PCLO: variants seen among roughly 807,000 people sequenced by gnomAD.
The protein encoded by PCLO is piccolo presynaptic cytomatrix protein, also known as protein piccolo.
PCLO carries 82 observed loss-of-function variants against 427.5 expected under a neutral mutation model. The ratio of observed to expected loss-of-function variants is 0.19; its 90% CI spans 0.16 to 0.23. The LOEUF (loss-of-function observed/expected upper bound fraction) is 0.23, where lower values mean the gene tolerates loss of function less well. Ranked by LOEUF, PCLO falls within the 10% of genes least tolerant of loss-of-function variation. The probability of loss-of-function intolerance (pLI) is 1.00; values close to 1 mark genes in which losing one functional copy is unlikely to be tolerated. For synonymous variants in PCLO, 2,357 were observed against 2,155.4 expected (o/e 1.09, Z -2.59); for missense variants, 6,239 against 6,115.9 (o/e 1.02, Z -0.67).
At chr7:82,888,472 T>C (rs1793679864) in intron 9 of PCLO, among the ~76,000 whole-genome samples, 1 of 152,202 alleles carries the variant, frequency 6.6e-6, no homozygotes, top group Non-Finnish European at 1.5e-5. Context: ...TTATTTAATA[T>C]ATCACATTTG....
chr7:82,862,317 G>T (rs993976519), intron 10 of PCLO, among the ~76,000 whole-genome samples: 2 of 152,076 alleles, frequency 1.3e-5, no homozygotes, highest in South Asian at 4.1e-4. Flanking sequence ...TGATGAGGAT[G>T]TGGAGAAAAG....
At chr7:83,028,167 G>T (rs1272251181) in intron 3 of PCLO, among the ~76,000 whole-genome samples, 1 of 152,152 alleles carries the variant, frequency 6.6e-6, no homozygotes, top group African/African-American at 2.4e-5. Context: ...AAGTCAAATT[G>T]TCCCTCTTTG....
chr7:82,870,902 A>AC (rs1793218378), intron 10 of PCLO, among the ~76,000 whole-genome samples: 1 of 152,022 alleles, frequency 6.6e-6, no homozygotes, highest in Admixed American at 6.6e-5. Context: ...ATTTCACCTC[A>AC]CCCCATTAAA....
Position 82,765,836 on chromosome 7 carries a change from G to A in PCLO, c.15008-4343C>T, listed in dbSNP as rs570598554. Among the ~76,000 whole-genome samples the A allele has an allele frequency of 4.6e-5, 7 of 151,956 alleles. No homozygotes were observed. The South Asian group carries it at 8.3e-4, about 18-fold the overall frequency. ...AATAAAGGATCTCTAAAATAAAAACGAGAAAATGAATCAGATCTTAAGATC... is the reference window on the plus strand; with the variant it reads ...AATAAAGGATCTCTAAAATAAAAACAAGAAAATGAATCAGATCTTAAGATC... On this transcript the variant is annotated intron_variant, in intron 22 of 24. Transcript: ENST00000333891.
At chr7:82,816,284 A>G (rs1465868110) in intron 20 of PCLO, among the ~76,000 whole-genome samples, 2 of 152,110 alleles carry the variant, frequency 1.3e-5, no homozygotes, top group Admixed American at 6.6e-5. Flanking sequence ...CTATTATTAA[A>G]TCAACAATTA....
chr7:82,938,553 C>T (rs973393566), intron 6 of PCLO, among the ~76,000 whole-genome samples: 3 of 151,838 alleles, frequency 2.0e-5, no homozygotes, highest in Admixed American at 6.6e-5. Context: ...TGCCTATATG[C>T]TCTTAGCTAG....
intron 3 of PCLO, among the ~76,000 whole-genome samples, chr7:83,063,462 T>A (rs528363650): frequency 6.6e-6 from 1 of 152,224 alleles, no homozygotes; most frequent in Non-Finnish European, 1.5e-5. Context: ...ACCCTTCTGC[T>A]TTTTACTTTT....
intron 18 of PCLO, 75 bp downstream of exon 18, chr7:82,826,514 A>T: frequency 2.1e-6 from 2 of 944,114 alleles, no homozygotes; most frequent in Non-Finnish European, 3.3e-6. Flanking sequence ...TAAACTTCAG[A>T]AACATGCTTT....
At chr7:83,108,510 C>T (rs934519135) in intron 3 of PCLO, among the ~76,000 whole-genome samples, 6 of 151,874 alleles carry the variant, frequency 4.0e-5, no homozygotes, top group Non-Finnish European at 8.8e-5. Context: ...ATTTTATATA[C>T]AAATTTTATA....
intron 20 of PCLO, among the ~76,000 whole-genome samples, chr7:82,811,402 G>A (rs948718198): frequency 3.3e-5 from 5 of 151,018 alleles, no homozygotes; most frequent in Non-Finnish European, 4.4e-5. Context: ...TCATCTACCT[G>A]TTGTTATTGC....
At chr7:83,030,866 C>A (rs1255757356) in intron 3 of PCLO, among the ~76,000 whole-genome samples, 1 of 152,114 alleles carries the variant, frequency 6.6e-6, no homozygotes, top group East Asian at 1.9e-4. Context: ...GGAGTAAAGA[C>A]CTTTATGCAA....
rs1790743540 is a variant in PCLO at position 83,101,689 on chromosome 7, GTGCCGCAGTGGCTGAAATCTGTTGC to G, written c.3300+32536_3300+32560del. Among the ~76,000 whole-genome samples, 3 of 152,238 alleles carry G rather than the reference GTGCCGCAGTGGCTGAAATCTGTTGC, an allele frequency of 2.0e-5. No individual in the cohort carries two copies. In the South Asian group the frequency reaches 6.2e-4, roughly 32 times the overall value. On this transcript the variant is annotated intron_variant, in intron 3 of 24. Transcript: ENST00000333891. ...TGGCACAAGAAACTGTGACATTTCA[GTGCCGCAGTGGCTGAAATCTGTTGC>G]TTCTAAGAATAAATCTTCCAAAATT...
chr7:83,155,938 T>C lies in PCLO; in HGVS notation c.703A>G (p.Thr235Ala), dbSNP rs772443873. The change falls in exon 2 of 25, where the codon ACT (threonine) becomes GCT (alanine). Residue 235 changes from threonine (T) to alanine (A), a missense_variant. Coordinates refer to ENST00000333891, the MANE Select transcript of PCLO (RefSeq NM_033026.6). Reference protein sequence around the residue: ...PGRDPLQQDGTPKSISSQQPE... With the variant: ...PGRDPLQQDGAPKSISSQQPE... ...TGTTGAGAAGATATTGATTTGGGAG[T>C]GCCATCCTGCTGAAGCGGATCCCTA... The C allele has an allele frequency of 1.2e-6, 2 of 1,613,808 alleles. No individual in the cohort carries two copies. Among genetic ancestry groups the C allele is most frequent in the Non-Finnish European group, 1.7e-6 (2 of 1,179,830 alleles).
At chr7:83,123,956 C>A (rs1441597862) in intron 3 of PCLO, among the ~76,000 whole-genome samples, 7 of 29,052 alleles carry the variant, frequency 2.4e-4, no homozygotes, top group Admixed American at 1.2e-3. Flanking sequence ...AACTCTGTCT[C>A]AAAAAAAAAA....
chr7:82,951,049 G>A lies in PCLO; in HGVS notation c.9539C>T (p.Ser3180Phe). 1 of 1,613,922 alleles carries A rather than the reference G, an allele frequency of 6.2e-7. No individual in the cohort carries two copies. Among genetic ancestry groups the A allele is most frequent in the Non-Finnish European group, 8.5e-7 (1 of 1,179,838 alleles). ...GGATGCTGTGGTTAAAGTGGGAACA[G>A]AGTCTATCGTCTCAGCAGTAAGAGA... ...MESLTAETID[S>F]VPTLTTASEV... Residue 3180 changes from serine (S) to phenylalanine (F), a missense_variant, in exon 6 of 25, where the codon TCT becomes TTT. Transcript: ENST00000333891.
chr7:82,875,608 C>A (rs1793350824), intron 10 of PCLO, among the ~76,000 whole-genome samples: 1 of 151,962 alleles, frequency 6.6e-6, no homozygotes, highest in South Asian at 2.1e-4. Context: ...TTTGAAAATA[C>A]TCCTGTTTTC....
chr7:82,847,401 A>G (rs1792531859), intron 10 of PCLO, among the ~76,000 whole-genome samples, 154 bp from the exon 11 acceptor site: 1 of 152,142 alleles, frequency 6.6e-6, no homozygotes, highest in African/African-American at 2.4e-5. Context: ...TAATACCAAA[A>G]CCATTATGTA....
intron 16 of PCLO, 108 bp from the exon 17 acceptor site, chr7:82,828,074 A>G: frequency 1.5e-6 from 1 of 676,598 alleles, no homozygotes; most frequent in Non-Finnish European, 2.6e-6. Flanking sequence ...ATTTCAAATC[A>G]CTATATAATT....
intron 10 of PCLO, 26 bp from the exon 11 acceptor site, chr7:82,847,273 A>G (rs1369988693): frequency 7.7e-7 from 1 of 1,302,392 alleles, no homozygotes; most frequent in African/African-American, 1.4e-5. Context: ...TGAATATAAA[A>G]TCAAACGTGT....
Sources: allele counts gnomAD v4.1 joint callset (sites outside exome capture counted in the v4.1 genomes callset), GRCh38; gene constraint gnomAD v4.1.1; transcripts MANE v1.5; gene names NCBI Gene and HGNC (gene_info 2026-07-23, HGNC 2026-07-21).